MED17: variants seen among roughly 807,000 people sequenced by gnomAD.
MED17 encodes the protein mediator complex subunit 17.
Under a neutral mutation model 80.8 loss-of-function variants are expected in MED17, and 49 were observed. That is an observed-to-expected ratio of 0.61 (90% CI 0.48 to 0.77). The LOEUF (loss-of-function observed/expected upper bound fraction) is 0.77. Ranked by LOEUF, MED17 falls within the 30% of genes least tolerant of loss-of-function variation. The pLI is 0.00. For missense variants in MED17, 718 were observed against 787.0 expected (o/e 0.91, Z 1.05); for synonymous variants, 281 against 280.4 (o/e 1.00, Z -0.02).
chr11:93,793,815 C>A lies in MED17; in HGVS notation c.725C>A (p.Pro242His), dbSNP rs900555555. Reference sequence around the variant, plus strand: ...AAAAAGATACCTGAAGATTACTGTCCTCTTGATGTCCAAATTCCTAGTGAT... The same window carrying A: ...AAAAAGATACCTGAAGATTACTGTCATCTTGATGTCCAAATTCCTAGTGAT... ...LDKKIPEDYCPLDVQIPSDLE... is the reference protein window; with the variant it reads ...LDKKIPEDYCHLDVQIPSDLE... The change falls in exon 4 of 12, where the codon CCT (proline) becomes CAT (histidine). Residue 242 changes from proline (P) to histidine (H), a missense_variant. Transcript: ENST00000251871. The A allele has an allele frequency of 6.2e-6, 10 of 1,611,022 alleles. No individual in the cohort carries two copies. The highest frequency in any genetic ancestry group is 8.5e-6 in the Non-Finnish European group (10 of 1,177,422).
At chr11:93,809,453 G>C (rs897341759) in intron 10 of MED17, 9 of 506,026 alleles carry the variant, frequency 1.8e-5, no homozygotes, top group Non-Finnish European at 3.3e-5. Flanking sequence ...AGAGTCTTCA[G>C]TTGGCCAAAT....
Position 93,790,785 on chromosome 11 carries a change from G to A in MED17, c.629G>A (p.Arg210Lys), listed in dbSNP as rs756368191. 1.2e-6 allele frequency: 2 copies of A among 1,613,748 alleles called. No individual in the cohort carries two copies. The highest frequency in any genetic ancestry group is 2.2e-5 in the South Asian group (2 of 91,066). ...GDKILGDLSY[R>K]SAGSLFPHHG... is the part of the protein sequence containing the mutation. ...AAAATTCTCGGAGATCTGAGCTACA[G>A]AAGTGCAGGTATGAATAATTATTAA... Residue 210 changes from arginine to lysine, a missense_variant, in exon 3 of 12, where the codon AGA (arginine) becomes AAA (lysine). Physicochemically the swap from Arg to Lys is conservative, Grantham distance 26 (BLOSUM62 2). Transcript: ENST00000251871.
chr11:93,784,873 T>C (rs956069511), intron 1 of MED17, 110 bp downstream of exon 1: 11 of 1,429,208 alleles, frequency 7.7e-6, no homozygotes, highest in Non-Finnish European at 1.0e-5. Flanking sequence ...AACTTTTGAG[T>C]GTCCCTCTAG....
chr11:93,797,485 G>A, intron 7 of MED17, 50 bp from the exon 8 acceptor site: 1 of 1,484,400 alleles, frequency 6.7e-7, no homozygotes, highest in Middle Eastern at 1.7e-4. Flanking sequence ...TAAATATTAT[G>A]TAGCATTTAC....
At chr11:93,802,388 C>T (rs926483513) in intron 9 of MED17, among the ~76,000 whole-genome samples, 2 of 152,172 alleles carry the variant, frequency 1.3e-5, no homozygotes, top group African/African-American at 2.4e-5. Flanking sequence ...GCATGAGCCA[C>T]CACTCCCGGC....
rs911853462 is a variant in MED17 at position 93,814,071 on chromosome 11, A to G, written c.*2007A>G. The G allele has an allele frequency of 3.3e-5, 5 of 152,144 alleles. No homozygotes were observed. Among genetic ancestry groups the G allele is most frequent in the African/African-American group, 9.7e-5 (4 of 41,406 alleles). 9.4% of individuals were successfully genotyped at this position (152,144 alleles called of 1,614,324 possible). A position where few individuals can be genotyped will look rare whatever the true frequency, so the allele number is the denominator to read the frequency against. On this transcript the variant is annotated 3_prime_UTR_variant, in exon 12 of 12. Coordinates refer to ENST00000251871, the MANE Select transcript of MED17 (RefSeq NM_004268.5). ...TTTTTTATTTCTCTGCTTGTCATGA[A>G]TCAGTAACAAATCATGGACCAGGAC...
At chr11:93,803,983 G>GTATATGTGTA (rs1465614447) in intron 9 of MED17, among the ~76,000 whole-genome samples, 1 of 13,592 alleles carries the variant, frequency 7.4e-5, no homozygotes, top group Non-Finnish European at 1.5e-4. Flanking sequence ...GTGTGTGTGT[G>GTATATGTGTA]TGTATATATG....
chr11:93,785,122 T>A (rs1943755665), intron 1 of MED17, among the ~76,000 whole-genome samples: 1 of 152,226 alleles, frequency 6.6e-6, no homozygotes, highest in Non-Finnish European at 1.5e-5. Context: ...TTGGGCGAGT[T>A]ACTTTGCATC....
At chr11:93,785,767 G>A (rs1943762750) in intron 1 of MED17, among the ~76,000 whole-genome samples, 1 of 152,164 alleles carries the variant, frequency 6.6e-6, no homozygotes, top group Non-Finnish European at 1.5e-5. Flanking sequence ...AACATTTTTG[G>A]AGGCCAAGGT....
intron 9 of MED17, among the ~76,000 whole-genome samples, chr11:93,805,172 A>G (rs1430457164): frequency 6.6e-6 from 1 of 152,188 alleles, no homozygotes; most frequent in Non-Finnish European, 1.5e-5. Context: ...ATTTCATTGT[A>G]TGTCCCACAC....
intron 3 of MED17, among the ~76,000 whole-genome samples, chr11:93,791,116 A>G (rs1943832040): frequency 1.3e-5 from 2 of 152,236 alleles, no homozygotes; most frequent in Admixed American, 1.3e-4. Flanking sequence ...AAAAACACAA[A>G]CAAAAACAAT....
intron 2 of MED17, 195 bp from the exon 3 acceptor site, chr11:93,790,379 G>A (rs907802682): frequency 3.2e-6 from 2 of 618,836 alleles, no homozygotes; most frequent in African/African-American, 3.7e-5. Context: ...AGTGTTTTTG[G>A]TTTAACATAA....
intron 6 of MED17, chr11:93,795,560 T>TA (rs35640887): frequency 3.3e-4 from 49 of 147,424 alleles, no homozygotes; most frequent in African/African-American, 1.0e-3. Context: ...ACAAACAAAT[T>TA]AAAAAAAAAA....
chr11:93,790,499 A>G, intron 2 of MED17, 75 bp from the exon 3 acceptor site: 6 of 1,337,692 alleles, frequency 4.5e-6, no homozygotes, highest in Non-Finnish European at 6.4e-6. Context: ...ACTTCATTTT[A>G]TTATTGATAA....
Position 93,788,071 on chromosome 11 carries a change from A to G in MED17, c.321A>G (p.Thr107=). The change falls in exon 2 of 12, where the codon ACA becomes ACG. Residue 107 remains threonine (T), a synonymous_variant. Transcript: ENST00000251871. ...SVRNNLRSAL[T]EMCVLYDVLS... ...GGAACAATTTGAGAAGTGCCCTGAC[A>G]GAGATGTGTGTTCTCTATGATGTTC... The G allele has an allele frequency of 6.2e-7, 1 of 1,613,254 alleles. No individual in the cohort carries two copies.
intron 3 of MED17, 134 bp from the exon 4 acceptor site, chr11:93,793,594 C>T: frequency 1.4e-6 from 1 of 695,600 alleles, no homozygotes; most frequent in Non-Finnish European, 2.4e-6. Flanking sequence ...CCTTTTCCCC[C>T]AAAACATATG....
At chr11:93,790,877 C>T in intron 3 of MED17, 84 bp downstream of exon 3, 1 of 1,196,044 alleles carries the variant, frequency 8.4e-7, no homozygotes, top group South Asian at 1.3e-5. Flanking sequence ...AAGGCCAAGG[C>T]AGTTGGATCA....
In MED17 at chr11:93,807,673, G is replaced by T. The variant is rs567756678; in HGVS notation, c.1584+38G>T. 1.6e-5 allele frequency: 18 copies of T among 1,138,112 alleles called. 2 individuals carry two copies. In the South Asian group the frequency reaches 2.2e-4, roughly 14 times the overall value. 70.5% of individuals were successfully genotyped at this position (1,138,112 alleles called of 1,614,324 possible). On this transcript the variant is annotated intron_variant, in intron 10 of 11. Coordinates refer to ENST00000251871, the MANE Select transcript of MED17 (RefSeq NM_004268.5). ...GATTTTGTCTTAAGCCCCCTTCTTCGCATAGCTACTTAAAGAACAAATTGG... is the reference window on the plus strand; with the variant it reads ...GATTTTGTCTTAAGCCCCCTTCTTCTCATAGCTACTTAAAGAACAAATTGG...
chr11:93,811,196 C>T (rs1591392566), intron 11 of MED17: 1 of 152,192 alleles, frequency 6.6e-6, no homozygotes, highest in African/African-American at 2.4e-5. Context: ...TTTCAAAATA[C>T]CCTTTTCCTC....
Sources: allele counts gnomAD v4.1 joint callset (sites outside exome capture counted in the v4.1 genomes callset), GRCh38; gene constraint gnomAD v4.1.1; transcripts MANE v1.5; gene names NCBI Gene and HGNC (gene_info 2026-07-23, HGNC 2026-07-21).